The following SAXO5 variants were observed in gnomAD, a reference collection of about 807,000 sequenced individuals.
The protein encoded by SAXO5 is stabilizer of axonemal microtubules 5, also known as testis expressed 45.
At chr19:7,505,326 A>T in the SAXO5 span, 3 of 1,613,964 alleles carry the variant, frequency 1.9e-6, no homozygotes, top group Non-Finnish European at 2.5e-6. Context: ...ACGTACAGGT[A>T]TGACAAGGCC....
chr19:7,508,298 A>T, the SAXO5 span: 2 of 1,613,944 alleles, frequency 1.2e-6, no homozygotes, highest in Non-Finnish European at 1.7e-6. Context: ...ACCAGGGCCC[A>T]GCAGCCCTGA....
the SAXO5 span, chr19:7,500,903 G>C: frequency 6.3e-7 from 1 of 1,580,784 alleles, no homozygotes; most frequent in Non-Finnish European, 8.5e-7. Flanking sequence ...CGCACTTCTC[G>C]CTGGGGCCTG....
chr19:7,502,762 G>A, the SAXO5 span, among the ~76,000 whole-genome samples: 168 of 152,120 alleles, frequency 1.1e-3, no homozygotes, highest in African/African-American at 3.4e-3. Flanking sequence ...CAGTTTCCCC[G>A]TCTACAAAAT....
At chr19:7,508,288 A>G in the SAXO5 span, 1 of 1,614,070 alleles carries the variant, frequency 6.2e-7, no homozygotes, top group Non-Finnish European at 8.5e-7. Context: ...CCTTTCAAGT[A>G]CCAGGGCCCA....
At chr19:7,502,231 A>T in the SAXO5 span, among the ~76,000 whole-genome samples, 1 of 152,142 alleles carries the variant, frequency 6.6e-6, no homozygotes, top group East Asian at 1.9e-4. Context: ...TCAGCCTCCC[A>T]GGCAGCTGGG....
At chr19:7,505,573 T>A in the SAXO5 span, 1 of 1,614,196 alleles carries the variant, frequency 6.2e-7, no homozygotes, top group Admixed American at 1.7e-5. Flanking sequence ...GAAAGGAAAT[T>A]GGTGCCCCGG....
the SAXO5 span, chr19:7,505,505 C>G: frequency 6.2e-7 from 1 of 1,614,054 alleles, no homozygotes; most frequent in Non-Finnish European, 8.5e-7. Context: ...GCACCTGTTC[C>G]GCTTCTGGCA....
At chr19:7,501,218 C>T in the SAXO5 span, 31 of 1,546,858 alleles carry the variant, frequency 2.0e-5, no homozygotes, top group South Asian at 3.0e-4. Context: ...ACGCCGCCTA[C>T]GGCTGGCCCG....
the SAXO5 span, chr19:7,508,378 T>G: frequency 6.2e-7 from 1 of 1,613,556 alleles, no homozygotes; most frequent in Non-Finnish European, 8.5e-7. Context: ...AGGGAGAAGA[T>G]AGACCCTCTG....
At chr19:7,501,418 T>C in the SAXO5 span, 1 of 1,462,416 alleles carries the variant, frequency 6.8e-7, no homozygotes, top group African/African-American at 1.5e-5. Flanking sequence ...GCGCCCGGGC[T>C]GAGTGGGCGA....
the SAXO5 span, chr19:7,508,400 C>T: frequency 1.2e-6 from 2 of 1,612,630 alleles, no homozygotes; most frequent in Non-Finnish European, 1.7e-6. Flanking sequence ...TCCCCCAGCC[C>T]CCTATGTACC....
the SAXO5 span, chr19:7,501,167 G>A: frequency 2.0e-6 from 3 of 1,514,050 alleles, no homozygotes; most frequent in Non-Finnish European, 2.6e-6. Flanking sequence ...ACCTGCACCT[G>A]CACGAGGACG....
the SAXO5 span, chr19:7,501,432 GCTTCACATT>G: frequency 9.6e-6 from 14 of 1,451,374 alleles, no homozygotes; most frequent in Non-Finnish European, 1.2e-5. Flanking sequence ...TGGGCGATTT[GCTTCACATT>G]GTGGTTCTCA....
the SAXO5 span, chr19:7,506,279 C>G: frequency 6.4e-6 from 6 of 938,838 alleles, no homozygotes; most frequent in African/African-American, 5.1e-5. Flanking sequence ...CACGGAGCCC[C>G]GTCCCGGGAA....
the SAXO5 span, chr19:7,507,055 G>A: frequency 6.2e-7 from 1 of 1,613,828 alleles, no homozygotes; most frequent in Non-Finnish European, 8.5e-7. Flanking sequence ...TGAATCTCCA[G>A]AATTCGATTT....
chr19:7,502,301 A>C, the SAXO5 span, among the ~76,000 whole-genome samples: 4 of 152,084 alleles, frequency 2.6e-5, no homozygotes, highest in Non-Finnish European at 5.9e-5. Context: ...GTAGAGATGC[A>C]GTCTTACTAT....
the SAXO5 span, among the ~76,000 whole-genome samples, chr19:7,502,984 T>A: frequency 6.6e-6 from 1 of 152,188 alleles, no homozygotes. Flanking sequence ...TTAGTTGTGA[T>A]TCCTAGTTTC....
chr19:7,504,319 C>G, the SAXO5 span: 5 of 1,614,074 alleles, frequency 3.1e-6, no homozygotes, highest in African/African-American at 5.3e-5. Flanking sequence ...AGGCCTCCTC[C>G]GGAGTGGAGC....
chr19:7,501,164 C>T, the SAXO5 span: 28 of 1,513,620 alleles, frequency 1.8e-5, no homozygotes, highest in Non-Finnish European at 2.4e-5. Context: ...GCAACCTGCA[C>T]CTGCACGAGG....
Sources: allele counts gnomAD v4.1 joint callset (sites outside exome capture counted in the v4.1 genomes callset), GRCh38; gene constraint gnomAD v4.1.1; transcripts MANE v1.5; gene names NCBI Gene and HGNC (gene_info 2026-07-23, HGNC 2026-07-21).